Variants in LEKR1 observed in about 807,000 individuals in gnomAD.
LEKR1 encodes protein LEKR1.
LEKR1 carries 59 observed loss-of-function variants against 72.4 expected under a neutral mutation model. That is an observed-to-expected ratio of 0.82 (90% CI 0.66 to 1.01). LEKR1 has a LOEUF of 1.01. LEKR1 is among the 50% of genes least tolerant of loss of function. The pLI is 0.00. For synonymous variants in LEKR1, 257 were observed against 263.2 expected, an observed-to-expected ratio of 0.98 and a Z score of 0.23; for missense variants, 728 against 759.2, an observed-to-expected ratio of 0.96 and a Z score of 0.48.
intron 3 of LEKR1, among the ~76,000 whole-genome samples, chr3:156,900,806 T>G (rs1721952469): frequency 6.6e-6 from 1 of 152,196 alleles, no homozygotes; most frequent in African/African-American, 2.4e-5. Flanking sequence ...GAATAAATAC[T>G]ATACAGTTTT....
chr3:157,018,440 A>T (rs932155091), intron 10 of LEKR1, among the ~76,000 whole-genome samples: 2 of 152,250 alleles, frequency 1.3e-5, no homozygotes, highest in African/African-American at 2.4e-5. Context: ...AATAAGTCTC[A>T]ATAAGTTTAA....
intron 12 of LEKR1, among the ~76,000 whole-genome samples, chr3:157,044,880 C>T (rs894212987): frequency 6.6e-6 from 1 of 152,076 alleles, no homozygotes; most frequent in Non-Finnish European, 1.5e-5. Context: ...GCACTTTTAC[C>T]TGTTTATGTT....
intron 5 of LEKR1, among the ~76,000 whole-genome samples, chr3:156,929,414 C>T (rs1318845631): frequency 6.6e-6 from 1 of 151,998 alleles, no homozygotes; most frequent in African/African-American, 2.4e-5. Flanking sequence ...AATTTAATTT[C>T]TGCACAGAAA....
rs1600977 is a variant in LEKR1, at chr3:157,034,599, C to T, written c.1668+6197C>T. ...AATGGAATCTACTCCTGTGAAGATG[C>T]TGCAAAAAATATTGAAATTACAACA... On this transcript the variant is annotated intron_variant, in intron 12 of 12. Coordinates refer to ENST00000356539, the MANE Select transcript of LEKR1 (RefSeq NM_001004316.3). Among the ~76,000 whole-genome samples the T allele has an allele frequency of 7.5e-3, 1,143 of 152,194 alleles. 3 individuals carry two copies. The highest frequency in any genetic ancestry group is 0.027 in the Middle Eastern group (8 of 294).
intron 9 of LEKR1, among the ~76,000 whole-genome samples, chr3:156,998,876 A>G (rs1318307562): frequency 6.6e-6 from 1 of 151,708 alleles, no homozygotes; most frequent in Admixed American, 6.6e-5. Context: ...ACCCTCACTG[A>G]TATGGTTTGG....
chr3:156,915,051 T>C (rs1014938544), intron 3 of LEKR1, among the ~76,000 whole-genome samples: 8 of 152,154 alleles, frequency 5.3e-5, no homozygotes, highest in South Asian at 4.1e-4. Context: ...TTTGCTTTCC[T>C]ATTGCTGTGT....
chr3:156,911,273 T>C (rs1723083115), intron 3 of LEKR1, among the ~76,000 whole-genome samples: 2 of 110,732 alleles, frequency 1.8e-5, no homozygotes, highest in East Asian at 3.0e-4. Flanking sequence ...CAAAAAATTT[T>C]CTTTGAGAAA....
intron 9 of LEKR1, among the ~76,000 whole-genome samples, chr3:157,000,698 A>G (rs931312337): frequency 4.6e-5 from 7 of 152,160 alleles, no homozygotes; most frequent in African/African-American, 1.7e-4. Context: ...ATATTCAGTA[A>G]ATATCTGTTG....
intron 6 of LEKR1, among the ~76,000 whole-genome samples, chr3:156,959,932 G>A (rs941392916): frequency 4.6e-5 from 7 of 151,934 alleles, no homozygotes; most frequent in Admixed American, 1.3e-4. Context: ...TCTCTCTGCT[G>A]TACCTTTCAT....
chr3:156,959,464 G>C (rs184465590), intron 6 of LEKR1, among the ~76,000 whole-genome samples: 31 of 152,206 alleles, frequency 2.0e-4, no homozygotes, highest in Admixed American at 2.0e-3. Flanking sequence ...TAAGTGCTAA[G>C]TATCACAATA....
At chr3:156,879,321 A>G (rs1422601933) in intron 3 of LEKR1, among the ~76,000 whole-genome samples, 1 of 152,206 alleles carries the variant, frequency 6.6e-6, no homozygotes, top group Non-Finnish European at 1.5e-5. Context: ...ATGTCTTAGC[A>G]AAGAGACTGG....
intron 9 of LEKR1, among the ~76,000 whole-genome samples, chr3:156,998,717 TA>T (rs1731776305): frequency 6.6e-6 from 1 of 152,244 alleles, no homozygotes; most frequent in South Asian, 2.1e-4. Flanking sequence ...TGCAGTTTAC[TA>T]AATTGTCCCC....
Position 156,829,242 on chromosome 3 carries a change from C to G in LEKR1, c.-44-44C>G, listed in dbSNP as rs190096362. ...TATAAAGCATCTTAATTTGAATGTTCTCTACATTATTTCTGTTCTGACTGT... is the reference window on the plus strand; with the variant it reads ...TATAAAGCATCTTAATTTGAATGTTGTCTACATTATTTCTGTTCTGACTGT... On this transcript the variant is annotated intron_variant, in intron 1 of 12. Transcript: ENST00000356539. 3.1e-3 allele frequency: 2,255 copies of G among 735,868 alleles called. 7 individuals carry two copies. The highest frequency in any genetic ancestry group is 4.0e-3 in the Non-Finnish European group (1,748 of 434,602). 45.6% of individuals were successfully genotyped at this position (735,868 alleles called of 1,614,324 possible).
At chr3:156,947,741 C>T (rs1403056608) in intron 6 of LEKR1, among the ~76,000 whole-genome samples, 2 of 151,164 alleles carry the variant, frequency 1.3e-5, no homozygotes, top group Non-Finnish European at 1.5e-5. Context: ...ATTCTGTCTT[C>T]TGTTCCACTA....
intron 6 of LEKR1, among the ~76,000 whole-genome samples, chr3:156,951,818 T>C: frequency 6.6e-6 from 1 of 151,626 alleles, no homozygotes; most frequent in East Asian, 1.9e-4. Context: ...GATTCATTGA[T>C]CTTTTGAATG....
In LEKR1 at chr3:157,039,567, C is replaced by T. The variant is rs140304392; in HGVS notation, c.1669-5773C>T. On this transcript the variant is annotated intron_variant, in intron 12 of 12. Transcript: ENST00000356539. ...CTCGGGGGTTGAGGCTATAATGAGCCGTGATCGTGCTTCTGTACTCGAGCC... is the reference window on the plus strand; with the variant it reads ...CTCGGGGGTTGAGGCTATAATGAGCTGTGATCGTGCTTCTGTACTCGAGCC... Among the ~76,000 whole-genome samples, 592 of 152,250 alleles carry T rather than the reference C, an allele frequency of 3.9e-3. 2 individuals carry two copies. The highest frequency in any genetic ancestry group is 0.013 in the African/African-American group (529 of 41,558).
chr3:156,865,605 CTCTATCAT>C (rs1717217574), intron 3 of LEKR1, among the ~76,000 whole-genome samples: 1 of 41,936 alleles, frequency 2.4e-5, no homozygotes, highest in Admixed American at 2.4e-4. Context: ...TATCATCTCC[CTCTATCAT>C]TGCCCATTTT....
chr3:156,834,928 A>C (rs1712909450), intron 2 of LEKR1, among the ~76,000 whole-genome samples: 1 of 152,174 alleles, frequency 6.6e-6, no homozygotes, highest in African/African-American at 2.4e-5. Context: ...TAAATTTTCT[A>C]TTTTTCTGAC....
intron 6 of LEKR1, among the ~76,000 whole-genome samples, chr3:156,966,933 C>A (rs1436269678): frequency 1.3e-5 from 2 of 152,192 alleles, no homozygotes; most frequent in East Asian, 3.9e-4. Flanking sequence ...GACAAAACTT[C>A]CAGAGGAACG....
Sources: gnomAD v4.1 joint callset for allele counts (sites outside exome capture counted in the v4.1 genomes callset) on GRCh38, gnomAD v4.1.1 for gene constraint, MANE v1.5 for transcripts, NCBI Gene and HGNC (gene_info 2026-07-23, HGNC 2026-07-21) for gene names.